AGPS: variants seen among roughly 807,000 people sequenced by gnomAD.
AGPS encodes alkylglycerone phosphate synthase.
In AGPS, 26 loss-of-function variants were observed where a neutral mutation model predicts 90.7. The observed-to-expected ratio is 0.29, with a 90% confidence interval of 0.21 to 0.40. AGPS has a LOEUF of 0.40. Ranked by LOEUF, AGPS falls within the 10% of genes least tolerant of loss-of-function variation. The pLI is 1.00. For synonymous variants in AGPS, 294 were observed against 285.3 expected (o/e 1.03, Z -0.31); for missense variants, 540 against 816.1 (o/e 0.66, Z 4.12).
chr2:177,457,964 A>C (rs1441607802), intron 8 of AGPS, among the ~76,000 whole-genome samples: 1 of 152,234 alleles, frequency 6.6e-6, no homozygotes, highest in Non-Finnish European at 1.5e-5. Context: ...GAACGAATCC[A>C]GCAGCACATC....
chr2:177,467,716 A>G (rs986179811), intron 9 of AGPS, among the ~76,000 whole-genome samples: 1 of 152,148 alleles, frequency 6.6e-6, no homozygotes, highest in Non-Finnish European at 1.5e-5. Context: ...TTCAATAATA[A>G]ATAGACTGTT....
At chr2:177,533,863 T>C (rs918501156) in intron 19 of AGPS, among the ~76,000 whole-genome samples, 2 of 152,218 alleles carry the variant, frequency 1.3e-5, no homozygotes, top group African/African-American at 4.8e-5. Context: ...ATCTGACCTA[T>C]AGAATAGTGC....
intron 2 of AGPS, among the ~76,000 whole-genome samples, chr2:177,431,972 T>G (rs1686257478): frequency 6.6e-6 from 1 of 152,214 alleles, no homozygotes; most frequent in Non-Finnish European, 1.5e-5. Context: ...TAAATGACCA[T>G]GAAATCTTCA....
chr2:177,434,465 A>G, intron 3 of AGPS, 48 bp downstream of exon 3: 1 of 1,355,788 alleles, frequency 7.4e-7, no homozygotes, highest in East Asian at 2.3e-5. Context: ...TGTTTTTAAA[A>G]CCCAAATTAA....
At chr2:177,503,519 G>A (rs548644011) in intron 14 of AGPS, among the ~76,000 whole-genome samples, 1 of 152,174 alleles carries the variant, frequency 6.6e-6, no homozygotes, top group Admixed American at 6.5e-5. Flanking sequence ...TAAAAACCTT[G>A]AATTGATGTT....
chr2:177,431,833 CAT>C (rs1244418102), intron 2 of AGPS, among the ~76,000 whole-genome samples: 2 of 152,162 alleles, frequency 1.3e-5, no homozygotes, highest in East Asian at 3.8e-4. Context: ...TTCAAACACA[CAT>C]GTTTTACAGT....
intron 8 of AGPS, among the ~76,000 whole-genome samples, chr2:177,447,622 A>G (rs1024047797): frequency 5.3e-5 from 8 of 151,716 alleles, no homozygotes; most frequent in African/African-American, 1.9e-4. Context: ...TTTAAAGGTT[A>G]GAATTAAAAT....
chr2:177,483,380 A>C (rs1001393420), intron 11 of AGPS, among the ~76,000 whole-genome samples: 2 of 152,174 alleles, frequency 1.3e-5, no homozygotes, highest in African/African-American at 4.8e-5. Context: ...TCCCACTTTC[A>C]TGAAGTACAG....
intron 8 of AGPS, among the ~76,000 whole-genome samples, chr2:177,454,811 A>G (rs1483894266): frequency 3.3e-5 from 5 of 152,050 alleles, no homozygotes; most frequent in Admixed American, 3.3e-4. Flanking sequence ...CTACTGTGGT[A>G]TGACATTGTT....
intron 19 of AGPS, among the ~76,000 whole-genome samples, chr2:177,525,949 C>T (rs1300366060): frequency 6.6e-6 from 1 of 152,150 alleles, no homozygotes; most frequent in East Asian, 1.9e-4. Context: ...TAGGCTCTAA[C>T]AGAGTCTGTG....
rs143604740 is a variant in AGPS, at chr2:177,457,022, C to A, written c.871-4871C>A. On this transcript the variant is annotated intron_variant, in intron 8 of 19. Transcript: ENST00000264167. The stretch of plus-strand genomic sequence containing the variant: ...AGACCACAGTGCAATCAAATTAGAA[C>A]TCAGGAATAAGAAACTCACTCAAAA... Among the ~76,000 whole-genome samples, 436 of 152,274 alleles carry A rather than the reference C, an allele frequency of 2.9e-3. 3 individuals carry two copies. Among genetic ancestry groups the A allele is most frequent in the East Asian group, 4.6e-3 (24 of 5,186 alleles).
chr2:177,421,152 G>T (rs1024742901), intron 2 of AGPS, among the ~76,000 whole-genome samples: 1 of 151,906 alleles, frequency 6.6e-6, no homozygotes, highest in African/African-American at 2.4e-5. Flanking sequence ...CTCTGTTTTT[G>T]GTTTGTCTGT....
At position 177,493,107 on chromosome 2, in the gene AGPS, G is replaced by A. The variant is rs755090512; in HGVS notation, c.1234-41G>A. On this transcript the variant is annotated intron_variant, in intron 11 of 19. Coordinates refer to ENST00000264167, the MANE Select transcript of AGPS (RefSeq NM_003659.4). ...CATTCTACCTGTCTAGCTTCTTACT[G>A]TATTAAATTTGTATCACTTTTTTTT... 8 of 1,532,040 alleles carry A rather than the reference G, an allele frequency of 5.2e-6. No individual in the cohort carries two copies. The Admixed American group carries it at 1.2e-4, about 22-fold the overall frequency. The allele number at this position is 1,532,040 out of a possible 1,614,324, so 94.9% of individuals were successfully genotyped here. A position where few individuals can be genotyped will look rare whatever the true frequency, so the allele number is the denominator to read the frequency against.
chr2:177,541,755 T>C lies in AGPS; in HGVS notation c.*3560T>C, dbSNP rs2079236895. ...TAGAAGCTTGGCTTTGCTCTAGGCT[T>C]CATGTTCCCAAATGAGCCATCTGTC... is the stretch of plus-strand genomic sequence containing the variant. On this transcript the variant is annotated 3_prime_UTR_variant, in exon 20 of 20. Coordinates refer to ENST00000264167, the MANE Select transcript of AGPS (RefSeq NM_003659.4). The C allele has an allele frequency of 6.6e-6, 1 of 152,178 alleles. No homozygotes were observed. The highest frequency in any genetic ancestry group is 2.4e-5 in the African/African-American group (1 of 41,456). 9.4% of individuals were successfully genotyped at this position (152,178 alleles called of 1,614,324 possible).
intron 9 of AGPS, among the ~76,000 whole-genome samples, chr2:177,465,591 A>G (rs1335355401): frequency 6.6e-6 from 1 of 152,234 alleles, no homozygotes; most frequent in East Asian, 1.9e-4. Flanking sequence ...GCCACAGCGC[A>G]CAGTCAGGCA....
chr2:177,408,529 GTA>G (rs935978134), intron 1 of AGPS, among the ~76,000 whole-genome samples: 1 of 151,968 alleles, frequency 6.6e-6, no homozygotes, highest in African/African-American at 2.4e-5. Context: ...TAAGATTTGG[GTA>G]TAGATTTATG....
intron 11 of AGPS, among the ~76,000 whole-genome samples, chr2:177,485,464 C>T (rs986973699): frequency 1.3e-5 from 2 of 151,902 alleles, no homozygotes; most frequent in Non-Finnish European, 2.9e-5. Context: ...TTCGATATGC[C>T]CCTGATAGAA....
chr2:177,431,573 C>T (rs1686246192), intron 2 of AGPS, among the ~76,000 whole-genome samples: 1 of 152,112 alleles, frequency 6.6e-6, no homozygotes, highest in African/African-American at 2.4e-5. Context: ...ACTTCCAGAG[C>T]AGCTGTTTAT....
At chr2:177,455,416 C>A (rs1263738251) in intron 8 of AGPS, among the ~76,000 whole-genome samples, 2 of 152,148 alleles carry the variant, frequency 1.3e-5, no homozygotes, top group Admixed American at 1.3e-4. Flanking sequence ...CATAGGATCA[C>A]CGTCCTTCCT....
Sources: allele counts gnomAD v4.1 joint callset (sites outside exome capture counted in the v4.1 genomes callset), GRCh38; gene constraint gnomAD v4.1.1; transcripts MANE v1.5; gene names NCBI Gene and HGNC (gene_info 2026-07-23, HGNC 2026-07-21).